MAP3K20: variants seen among roughly 807,000 people sequenced by gnomAD.
MAP3K20 encodes the protein HCCS-4.
Under a neutral mutation model 85.7 loss-of-function variants are expected in MAP3K20, and 40 were observed. The observed-to-expected ratio is 0.47, with a 90% CI of 0.36 to 0.61. MAP3K20 has a LOEUF of 0.61. Ranked by LOEUF, MAP3K20 falls within the 20% of genes least tolerant of loss-of-function variation. The probability of loss-of-function intolerance (pLI) is 0.00; values close to 1 mark genes in which losing one functional copy is unlikely to be tolerated. For synonymous variants in MAP3K20, 325 were observed against 327.7 expected (o/e 0.99, Z 0.09); for missense variants, 817 against 961.7 (o/e 0.85, Z 1.99).
chr2:173,115,007 G>A (rs923863653), intron 2 of MAP3K20, among the ~76,000 whole-genome samples: 2 of 152,148 alleles, frequency 1.3e-5, no homozygotes, highest in Admixed American at 6.6e-5. Flanking sequence ...TGTTTTCCAA[G>A]CTTTTAGAAT....
intron 11 of MAP3K20, chr2:173,225,386 G>A (rs1400441876): frequency 4.1e-6 from 1 of 241,230 alleles, no homozygotes; most frequent in African/African-American, 2.3e-5. Context: ...CTGATGTCAG[G>A]GGTTCGAGAC....
At chr2:173,101,602 A>G (rs761309311) in intron 2 of MAP3K20, among the ~76,000 whole-genome samples, 1 of 152,240 alleles carries the variant, frequency 6.6e-6, no homozygotes, top group African/African-American at 2.4e-5. Context: ...GAAAAATAGT[A>G]TACAGCATGA....
intron 2 of MAP3K20, among the ~76,000 whole-genome samples, chr2:173,122,080 C>T (rs916757598): frequency 1.3e-5 from 2 of 152,220 alleles, no homozygotes; most frequent in African/African-American, 4.8e-5. Context: ...ACCAATCTTA[C>T]AATCTTCTTC....
intron 16 of MAP3K20, among the ~76,000 whole-genome samples, chr2:173,248,637 G>T (rs994479104): frequency 6.6e-6 from 1 of 152,180 alleles, no homozygotes; most frequent in Admixed American, 6.5e-5. Context: ...CTGCATACAA[G>T]CTAGCATGCC....
intron 2 of MAP3K20, among the ~76,000 whole-genome samples, chr2:173,140,105 G>A (rs1426846991): frequency 1.3e-5 from 2 of 151,756 alleles, no homozygotes; most frequent in Admixed American, 6.6e-5. Flanking sequence ...TCCGCCTCCC[G>A]GGTTCAAGCG....
rs567858579 is a variant in MAP3K20, at chr2:173,223,786, C to A, written c.988-5903C>A. On this transcript the variant is annotated intron_variant, in intron 11 of 19. Coordinates refer to ENST00000375213, the MANE Select transcript of MAP3K20 (RefSeq NM_016653.3). ...CATATGTACAAATACATGAACACAG[C>A]CTGTCTGTGCTCAGACATAGAGAAG... 496 of 985,416 alleles carry A rather than the reference C, an allele frequency of 5.0e-4. 1 individual carries two copies. In the Middle Eastern group the frequency reaches 5.2e-3, roughly 10 times the overall value. The allele number at this position is 985,416 out of a possible 1,614,324, so 61.0% of individuals were successfully genotyped here. A position where few individuals can be genotyped will look rare whatever the true frequency, so the allele number is the denominator to read the frequency against.
At chr2:173,105,971 A>C (rs1304725281) in intron 2 of MAP3K20, among the ~76,000 whole-genome samples, 1 of 152,234 alleles carries the variant, frequency 6.6e-6, no homozygotes, top group East Asian at 1.9e-4. Context: ...GAAATGCTGA[A>C]GGATAAATTT....
chr2:173,078,241 A>G (rs911190596), intron 1 of MAP3K20, among the ~76,000 whole-genome samples: 9 of 152,094 alleles, frequency 5.9e-5, no homozygotes, highest in Admixed American at 3.9e-4. Context: ...GTTTGTGGGG[A>G]TATAATACTT....
chr2:173,173,609 A>AGATACATCTATCTAGTTTACTG (rs1690070823), intron 3 of MAP3K20, among the ~76,000 whole-genome samples: 2 of 152,250 alleles, frequency 1.3e-5, no homozygotes, highest in Admixed American at 1.3e-4. Context: ...TTTTAAGCAC[A>AGATACATCTATCTAGTTTACTG]GATACATCTA....
chr2:173,161,701 A>T (rs1488980936), intron 2 of MAP3K20, among the ~76,000 whole-genome samples: 2 of 152,228 alleles, frequency 1.3e-5, no homozygotes, highest in Non-Finnish European at 2.9e-5. Context: ...AACCACATGC[A>T]TACCGAGTAG....
chr2:173,137,974 G>A (rs958155764), intron 2 of MAP3K20, among the ~76,000 whole-genome samples: 9 of 152,024 alleles, frequency 5.9e-5, no homozygotes, highest in African/African-American at 2.2e-4. Context: ...GTGATTTTTT[G>A]TTCTTTTTTG....
chr2:173,232,986 A>G (rs1684558045), intron 14 of MAP3K20, among the ~76,000 whole-genome samples: 1 of 152,204 alleles, frequency 6.6e-6, no homozygotes, highest in Admixed American at 6.5e-5. Flanking sequence ...AGGTGCATAC[A>G]TGGTATAGTA....
At chr2:173,185,679 C>T (rs1368370695) in intron 4 of MAP3K20, among the ~76,000 whole-genome samples, 1 of 152,222 alleles carries the variant, frequency 6.6e-6, no homozygotes, top group African/African-American at 2.4e-5. Flanking sequence ...ATAGGCATTG[C>T]TCAGCATCAT....
intron 2 of MAP3K20, among the ~76,000 whole-genome samples, chr2:173,134,457 G>A (rs1192518507): frequency 2.3e-5 from 1 of 44,402 alleles, no homozygotes; most frequent in East Asian, 4.9e-4. Context: ...TGCAGAGACG[G>A]GGTTTCGCCA....
chr2:173,115,763 A>T (rs1402453240), intron 2 of MAP3K20, among the ~76,000 whole-genome samples: 2 of 152,118 alleles, frequency 1.3e-5, no homozygotes, highest in Admixed American at 6.5e-5. Context: ...CTGTGATGTG[A>T]ACCGCCTATA....
intron 2 of MAP3K20, among the ~76,000 whole-genome samples, chr2:173,095,413 T>A (rs998592310): frequency 1.7e-4 from 26 of 152,174 alleles, no homozygotes; most frequent in Non-Finnish European, 3.1e-4. Flanking sequence ...TAGACTTTTT[T>A]AAAAAGAACA....
intron 2 of MAP3K20, among the ~76,000 whole-genome samples, chr2:173,102,575 C>T (rs185386542): frequency 6.6e-6 from 1 of 152,092 alleles, no homozygotes; most frequent in African/African-American, 2.4e-5. Flanking sequence ...TGACTCTTAT[C>T]CCTGATACTG....
intron 9 of MAP3K20, among the ~76,000 whole-genome samples, chr2:173,204,797 A>G (rs1354080266): frequency 1.3e-5 from 2 of 152,208 alleles, no homozygotes; most frequent in African/African-American, 4.8e-5. Context: ...GGAATTTTCC[A>G]TAATGAGTTA....
At chr2:173,169,777 G>T in intron 2 of MAP3K20, 28 bp from the exon 3 acceptor site, 1 of 1,592,952 alleles carries the variant, frequency 6.3e-7, no homozygotes, top group Admixed American at 1.7e-5. Context: ...GAAATGTTAT[G>T]CAACTTTGCA....
Sources: allele counts gnomAD v4.1 joint callset (sites outside exome capture counted in the v4.1 genomes callset), GRCh38; gene constraint gnomAD v4.1.1; transcripts MANE v1.5; gene names NCBI Gene and HGNC (gene_info 2026-07-23, HGNC 2026-07-21).